Variants in DBX2 observed in about 807,000 individuals in gnomAD.
The protein encoded by DBX2 is developing brain homeobox 2, also known as homeobox protein DBX2.
DBX2 carries 16 observed loss-of-function variants against 17.7 expected under a neutral mutation model. That is an observed-to-expected ratio of 0.90 (90% CI 0.61 to 1.37). The LOEUF (loss-of-function observed/expected upper bound fraction) is 1.37. Among genes scored for constraint, DBX2 ranks in the 40% most tolerant of loss-of-function variants. DBX2 has a pLI of 0.00. For synonymous variants in DBX2, 255 were observed against 183.8 expected (o/e 1.39, Z -3.13); for missense variants, 538 against 433.8 (o/e 1.24, Z -2.13).
intron 3 of DBX2, among the ~76,000 whole-genome samples, chr12:45,022,337 A>T (rs1386550056): frequency 9.0e-6 from 1 of 111,222 alleles, no homozygotes; most frequent in Non-Finnish European, 1.7e-5. Context: ...GGAGTCTTGC[A>T]CTGTCGCCCA....
intron 2 of DBX2, among the ~76,000 whole-genome samples, chr12:45,024,529 G>C (rs140464016): frequency 6.6e-6 from 1 of 152,180 alleles, no homozygotes. Context: ...ACAAAGCCCC[G>C]ATACGGATTA....
chr12:45,026,679 C>T lies in DBX2; in HGVS notation c.500-2785G>A, dbSNP rs574923522. Among the ~76,000 whole-genome samples, 5 of 152,340 alleles carry T rather than the reference C, an allele frequency of 3.3e-5. 1 individual carries two copies. Among genetic ancestry groups the T allele is most frequent in the African/African-American group, 9.6e-5 (4 of 41,568 alleles). ...TTCTATTTGTCTAAAAGATTACAAA[C>T]ATCTCCTGGCTAAGCCCTGGGTTAC... On this transcript the variant is annotated intron_variant, in intron 2 of 3. Transcript: ENST00000332700.
At chr12:45,018,059 A>C (rs1404029505) in intron 3 of DBX2, among the ~76,000 whole-genome samples, 1 of 152,212 alleles carries the variant, frequency 6.6e-6, no homozygotes, top group African/African-American at 2.4e-5. Context: ...ATTCAGTGCA[A>C]AAGACTGTCA....
intron 1 of DBX2, among the ~76,000 whole-genome samples, chr12:45,042,315 G>C (rs900693518): frequency 6.6e-6 from 1 of 152,116 alleles, no homozygotes; most frequent in East Asian, 1.9e-4. Context: ...AAAAAGAAAA[G>C]GATATTTTAA....
At chr12:45,016,669 C>T in intron 3 of DBX2, 51 bp from the exon 4 acceptor site, 2 of 1,489,650 alleles carry the variant, frequency 1.3e-6, no homozygotes. Flanking sequence ...GGTTATTTTA[C>T]TTCAGCATTT....
At chr12:45,026,127 C>T (rs1946380358) in intron 2 of DBX2, among the ~76,000 whole-genome samples, 2 of 152,136 alleles carry the variant, frequency 1.3e-5, no homozygotes, top group Admixed American at 6.5e-5. Context: ...CAAAGGTAAC[C>T]ACACTGGGCT....
intron 2 of DBX2, among the ~76,000 whole-genome samples, chr12:45,026,286 G>C (rs1037483006): frequency 1.3e-5 from 2 of 152,132 alleles, no homozygotes; most frequent in Non-Finnish European, 2.9e-5. Flanking sequence ...GAACTGCAAG[G>C]GTTTGGGTAG....
chr12:45,033,989 A>ATCTTT (rs1946422437), intron 2 of DBX2, among the ~76,000 whole-genome samples: 1 of 152,148 alleles, frequency 6.6e-6, no homozygotes, highest in Admixed American at 6.6e-5. Context: ...TCTAGAAAAC[A>ATCTTT]TCTTTAGCAT....
In DBX2 at chr12:45,016,270, G is replaced by T. The variant is rs189065791; in HGVS notation, c.*16C>A. 3.3e-6 allele frequency: 5 copies of T among 1,535,404 alleles called. No individual in the cohort carries two copies. The Admixed American group carries it at 1.1e-4, about 33-fold the overall frequency. ...ATTAAGCGTTCTTTTAAATGAACAC[G>T]GAGGAATGCTTCCATTCAGACAGCC... On this transcript the variant is annotated 3_prime_UTR_variant, in exon 4 of 4. Coordinates refer to ENST00000332700, the MANE Select transcript of DBX2 (RefSeq NM_001004329.3).
At chr12:45,049,354 A>G (rs1230106722) in intron 1 of DBX2, among the ~76,000 whole-genome samples, 1 of 152,250 alleles carries the variant, frequency 6.6e-6, no homozygotes, top group Non-Finnish European at 1.5e-5. Flanking sequence ...CCAAATTTCC[A>G]TAAACTTTGC....
chr12:45,035,200 C>T (rs969706254), intron 2 of DBX2, among the ~76,000 whole-genome samples: 3 of 152,230 alleles, frequency 2.0e-5, no homozygotes, highest in African/African-American at 7.2e-5. Flanking sequence ...AAGAGCCTGA[C>T]TCAACTCTTA....
chr12:45,043,598 T>A (rs1312883772), intron 1 of DBX2, among the ~76,000 whole-genome samples: 1 of 152,200 alleles, frequency 6.6e-6, no homozygotes, highest in African/African-American at 2.4e-5. Flanking sequence ...TGAGTAGCCA[T>A]CTTGGACATC....
intron 1 of DBX2, among the ~76,000 whole-genome samples, chr12:45,043,712 C>A (rs77061113): frequency 0.019 from 2,957 of 152,300 alleles, 92 homozygotes; most frequent in African/African-American, 0.067. Flanking sequence ...GCCCACAAAA[C>A]TGTAAGAGAA....
intron 1 of DBX2, among the ~76,000 whole-genome samples, chr12:45,044,820 A>G (rs374949134): frequency 2.6e-5 from 4 of 152,252 alleles, no homozygotes; most frequent in South Asian, 4.1e-4. Flanking sequence ...AAAATGAATA[A>G]TCCTATTAAA....
At chr12:45,027,623 T>A (rs1946388280) in intron 2 of DBX2, among the ~76,000 whole-genome samples, 1 of 152,192 alleles carries the variant, frequency 6.6e-6, no homozygotes, top group African/African-American at 2.4e-5. Context: ...TAAAGTATGA[T>A]ATTTAAGATA....
At chr12:45,018,618 T>C (rs1946335524) in intron 3 of DBX2, among the ~76,000 whole-genome samples, 1 of 152,046 alleles carries the variant, frequency 6.6e-6, no homozygotes. Flanking sequence ...GAGAAATTTC[T>C]GTACAAACAT....
intron 2 of DBX2, among the ~76,000 whole-genome samples, chr12:45,029,259 C>T (rs185036307): frequency 2.0e-5 from 3 of 152,292 alleles, no homozygotes; most frequent in Non-Finnish European, 2.9e-5. Context: ...GCTACAGGCT[C>T]TATCAATTCG....
chr12:45,050,466 T>G (rs1946524022), intron 1 of DBX2, 59 bp downstream of exon 1: 1 of 1,534,594 alleles, frequency 6.5e-7, no homozygotes, highest in Non-Finnish European at 8.8e-7. Flanking sequence ...CCCAGATCCC[T>G]GGACCACCCG....
At chr12:45,019,273 A>G (rs1946339010) in intron 3 of DBX2, among the ~76,000 whole-genome samples, 1 of 152,116 alleles carries the variant, frequency 6.6e-6, no homozygotes. Flanking sequence ...AAGTATTGCT[A>G]CATATCAATA....
Sources: allele counts gnomAD v4.1 joint callset (sites outside exome capture counted in the v4.1 genomes callset), GRCh38; gene constraint gnomAD v4.1.1; transcripts MANE v1.5; gene names NCBI Gene and HGNC (gene_info 2026-07-23, HGNC 2026-07-21).